The following TNIK variants were observed in gnomAD, a reference collection of about 807,000 sequenced individuals.
The protein encoded by TNIK is TRAF2 and NCK interacting kinase.
In TNIK, 49 loss-of-function variants were observed where a neutral mutation model predicts 191.3. That is an observed-to-expected ratio of 0.26 (90% confidence interval 0.20 to 0.32). TNIK has a LOEUF of 0.32. TNIK is among the 10% of genes least tolerant of loss of function. The pLI is 1.00. For synonymous variants in TNIK, 594 were observed against 600.9 expected (o/e 0.99, Z 0.17); for missense variants, 1,155 against 1,702.3 (o/e 0.68, Z 5.66).
intron 18 of TNIK, among the ~76,000 whole-genome samples, chr3:171,118,157 G>C (rs1464773421): frequency 2.1e-5 from 3 of 145,214 alleles, no homozygotes; most frequent in African/African-American, 5.7e-5. Flanking sequence ...AACAGACAGA[G>C]AGACAAATCA....
At chr3:171,395,624 G>GA (rs1245056407) in intron 1 of TNIK, among the ~76,000 whole-genome samples, 1 of 152,154 alleles carries the variant, frequency 6.6e-6, no homozygotes, top group Non-Finnish European at 1.5e-5. Flanking sequence ...TTTGATATTT[G>GA]AAAACTGTAT....
intron 2 of TNIK, among the ~76,000 whole-genome samples, chr3:171,321,163 A>T (rs1242712488): frequency 1.3e-5 from 2 of 152,236 alleles, no homozygotes; most frequent in African/African-American, 4.8e-5. Flanking sequence ...TTTCTTTGAA[A>T]ATCATGCATA....
At chr3:171,285,211 A>G (rs1005395373) in intron 2 of TNIK, among the ~76,000 whole-genome samples, 2 of 152,218 alleles carry the variant, frequency 1.3e-5, no homozygotes, top group African/African-American at 2.4e-5. Context: ...TAATTTTTTG[A>G]TAAAACTGTT....
At chr3:171,311,389 C>A (rs1015330219) in intron 2 of TNIK, among the ~76,000 whole-genome samples, 19 of 152,318 alleles carry the variant, frequency 1.2e-4, no homozygotes, top group African/African-American at 4.1e-4. Context: ...GAGTAAGCAC[C>A]TACTGTGTGC....
At chr3:171,440,363 C>G (rs1726632217) in intron 1 of TNIK, among the ~76,000 whole-genome samples, 1 of 152,162 alleles carries the variant, frequency 6.6e-6, no homozygotes, top group Non-Finnish European at 1.5e-5. Flanking sequence ...ATTAAACTCA[C>G]TCCACAACCC....
At chr3:171,101,317 C>G in intron 22 of TNIK, 132 bp downstream of exon 22, 1 of 1,017,068 alleles carries the variant, frequency 9.8e-7, no homozygotes. Flanking sequence ...CCAACAAAAA[C>G]CCAAGTCCCG....
chr3:171,436,570 G>C (rs1440151307), intron 1 of TNIK, among the ~76,000 whole-genome samples: 1 of 152,174 alleles, frequency 6.6e-6, no homozygotes, highest in African/African-American at 2.4e-5. Context: ...CAAATCCAGA[G>C]AGTCCAACCC....
chr3:171,280,682 G>T (rs1750326465), intron 2 of TNIK, among the ~76,000 whole-genome samples: 1 of 150,292 alleles, frequency 6.7e-6, no homozygotes, highest in African/African-American at 2.4e-5. Flanking sequence ...CCAAAAGAAT[G>T]ATCTTTCAGA....
At chr3:171,376,830 T>C (rs561609724) in intron 1 of TNIK, among the ~76,000 whole-genome samples, 22 of 150,756 alleles carry the variant, frequency 1.5e-4, no homozygotes, top group Non-Finnish European at 2.5e-4. Context: ...AAATACTGAT[T>C]GTTGATTTTT....
At chr3:171,281,245 T>A (rs1214487003) in intron 2 of TNIK, among the ~76,000 whole-genome samples, 2 of 152,064 alleles carry the variant, frequency 1.3e-5, no homozygotes, top group Non-Finnish European at 2.9e-5. Context: ...GAAAGGTCGG[T>A]GACAGCCTCC....
Position 171,100,800 on chromosome 3 carries a change from TATAAATATACATGTAAATAC to T in TNIK, c.2591+629_2591+648del, listed in dbSNP as rs1723412790. Among the ~76,000 whole-genome samples the T allele has an allele frequency of 3.3e-5, 4 of 120,966 alleles. 1 individual carries two copies. Among genetic ancestry groups the T allele is most frequent in the Admixed American group, 3.3e-4 (4 of 12,282 alleles). 79.4% of individuals were successfully genotyped at this position (120,966 alleles called of 152,430 possible). A position where few individuals can be genotyped will look rare whatever the true frequency, so the allele number is the denominator to read the frequency against. ...AATTACTAAAGAAAATGTAGGTACA[TATAAATATACATGTAAATAC>T]ATAAAAAGAGAACTGCAAAGAGACT... is the stretch of plus-strand genomic sequence containing the variant. On this transcript the variant is annotated intron_variant, in intron 22 of 32. Transcript: ENST00000436636.
chr3:171,101,364 C>A, intron 22 of TNIK, 85 bp downstream of exon 22: 1 of 1,456,330 alleles, frequency 6.9e-7, no homozygotes, highest in Non-Finnish European at 9.2e-7. Flanking sequence ...CATATACAAT[C>A]TTACATTTAA....
chr3:171,437,038 A>G lies in TNIK; in HGVS notation c.57+22969T>C, dbSNP rs146555811. The stretch of plus-strand genomic sequence containing the variant: ...TTTTATTACTGCCCCCAAAGCCTAT[A>G]AAAGCTTGGAATCTATTAATTCTTT... On this transcript the variant is annotated intron_variant, in intron 1 of 32. Transcript: ENST00000436636. Among the ~76,000 whole-genome samples the G allele has an allele frequency of 4.2e-3, 637 of 152,320 alleles. 7 individuals carry two copies. The highest frequency in any genetic ancestry group is 0.014 in the African/African-American group (594 of 41,574).
chr3:171,153,078 C>T (rs1451865937), intron 12 of TNIK, among the ~76,000 whole-genome samples: 1 of 152,090 alleles, frequency 6.6e-6, no homozygotes, highest in Non-Finnish European at 1.5e-5. Context: ...CCGGCCAAAA[C>T]TATGTTTTAA....
At chr3:171,195,711 T>C (rs944941150) in intron 4 of TNIK, among the ~76,000 whole-genome samples, 3 of 152,192 alleles carry the variant, frequency 2.0e-5, no homozygotes, top group Non-Finnish European at 4.4e-5. Context: ...TTCCAAAGCC[T>C]GTTCTGACTT....
At chr3:171,311,580 C>A (rs534826317) in intron 2 of TNIK, among the ~76,000 whole-genome samples, 174 of 152,238 alleles carry the variant, frequency 1.1e-3, no homozygotes, top group African/African-American at 3.9e-3. Context: ...TTCCAGAGCA[C>A]ACGCTGATTT....
intron 1 of TNIK, among the ~76,000 whole-genome samples, chr3:171,421,393 C>T (rs1416708466): frequency 1.3e-5 from 2 of 152,136 alleles, no homozygotes; most frequent in African/African-American, 4.8e-5. Flanking sequence ...AAAGAGTCTA[C>T]CAGCTTATCC....
At chr3:171,195,243 C>G (rs999655101) in intron 4 of TNIK, among the ~76,000 whole-genome samples, 5 of 152,152 alleles carry the variant, frequency 3.3e-5, no homozygotes, top group Admixed American at 6.5e-5. Context: ...CACTACTTAG[C>G]AACTTATAAA....
chr3:171,392,918 T>C (rs1719756311), intron 1 of TNIK, among the ~76,000 whole-genome samples: 2 of 152,106 alleles, frequency 1.3e-5, no homozygotes, highest in South Asian at 4.1e-4. Context: ...TCCTTGGTAG[T>C]AATAACCATT....
Sources: allele counts gnomAD v4.1 joint callset (sites outside exome capture counted in the v4.1 genomes callset), GRCh38; gene constraint gnomAD v4.1.1; transcripts MANE v1.5; gene names NCBI Gene and HGNC (gene_info 2026-07-23, HGNC 2026-07-21).